Variants in LCORL observed in about 807,000 individuals in gnomAD.
LCORL encodes ligand dependent nuclear receptor corepressor like.
LCORL carries 41 observed loss-of-function variants against 141.8 expected under a neutral mutation model. The observed-to-expected ratio is 0.29, with a 90% CI of 0.23 to 0.38. The LOEUF (loss-of-function observed/expected upper bound fraction) is 0.38. Among genes scored for constraint, LCORL ranks in the 10% least tolerant of loss-of-function variants. The probability of loss-of-function intolerance (pLI) is 1.00; values close to 1 mark genes in which losing one functional copy is unlikely to be tolerated. For synonymous variants in LCORL, 618 were observed against 694.1 expected (o/e 0.89, Z 1.72); for missense variants, 1,759 against 2,035.0 (o/e 0.86, Z 2.61).
intron 7 of LCORL, among the ~76,000 whole-genome samples, chr4:17,860,215 G>C (rs1375478076): frequency 1.3e-5 from 2 of 152,086 alleles, no homozygotes; most frequent in Non-Finnish European, 2.9e-5. Context: ...ACTATACTAC[G>C]AGGCTACTGT....
At chr4:17,880,291 T>C (rs745308214) in intron 6 of LCORL, 4 of 308,838 alleles carry the variant, frequency 1.3e-5, no homozygotes, top group Non-Finnish European at 1.9e-5. Context: ...TGTTAGGATC[T>C]TAAAGAAAAA....
At chr4:17,940,975 G>T (rs1737851185) in intron 4 of LCORL, among the ~76,000 whole-genome samples, 1 of 152,212 alleles carries the variant, frequency 6.6e-6, no homozygotes, top group Non-Finnish European at 1.5e-5. Context: ...TTGTAACTGT[G>T]AGGTAGAAAA....
intron 1 of LCORL, among the ~76,000 whole-genome samples, chr4:18,012,559 T>A (rs1187001531): frequency 6.6e-6 from 1 of 152,170 alleles, no homozygotes; most frequent in African/African-American, 2.4e-5. Flanking sequence ...GGACTCAAGA[T>A]AAATGATGAC....
chr4:17,894,595 CTT>C (rs1361534601), intron 5 of LCORL, among the ~76,000 whole-genome samples: 2 of 152,154 alleles, frequency 1.3e-5, no homozygotes, highest in African/African-American at 2.4e-5. Flanking sequence ...TTGTAGATCT[CTT>C]TAATGTCCAG....
intron 6 of LCORL, chr4:17,881,751 T>A: frequency 2.1e-6 from 2 of 961,748 alleles, no homozygotes; most frequent in Non-Finnish European, 2.5e-6. Context: ...TATTATGTAA[T>A]GCATTCAAAG....
intron 1 of LCORL, among the ~76,000 whole-genome samples, chr4:18,007,764 C>T (rs900792822): frequency 2.0e-5 from 3 of 152,110 alleles, no homozygotes; most frequent in African/African-American, 7.2e-5. Context: ...AGTAGGTCAG[C>T]AGAAACTCAC....
intron 4 of LCORL, among the ~76,000 whole-genome samples, chr4:17,922,400 T>G (rs1734441115): frequency 6.6e-6 from 1 of 152,308 alleles, no homozygotes; most frequent in Non-Finnish European, 1.5e-5. Flanking sequence ...ATTCACTGCT[T>G]GTGAGAGGCA....
chr4:17,998,188 A>G (rs531816012), intron 1 of LCORL, among the ~76,000 whole-genome samples: 1 of 152,338 alleles, frequency 6.6e-6, no homozygotes, highest in South Asian at 2.1e-4. Flanking sequence ...CTTACCATGA[A>G]TGGAGCTTGA....
chr4:17,845,017 T>C (rs550922987), exon 8 of LCORL: 3 of 152,202 alleles, frequency 2.0e-5, no homozygotes, highest in African/African-American at 7.2e-5. Context: ...AAAACAGATG[T>C]AAATCCATTT....
rs371968007 is a variant in LCORL at position 17,848,701 on chromosome 4, C to T, written c.5603-2800G>A. ...GCGCAGGACAGCGGGTGCAGTGCAC[C>T]GTGTGCGAGCCGAAGCAGGGCGAGG... On this transcript the variant is annotated intron_variant, in intron 7 of 7. Coordinates refer to ENST00000635767, the Ensembl canonical transcript of LCORL. Among the ~76,000 whole-genome samples the T allele has an allele frequency of 2.9e-4, 44 of 152,304 alleles. No homozygotes were observed. The East Asian group carries it at 3.5e-3, about 12-fold the overall frequency.
At position 17,878,804 on chromosome 4, in the gene LCORL, A is replaced by G. The variant is rs1727194895; in HGVS notation, c.777-591T>C. 2.6e-5 allele frequency among the ~76,000 whole-genome samples: 4 copies of G among 151,346 alleles called. No homozygotes were observed. In the South Asian group the frequency reaches 8.3e-4, roughly 31 times the overall value. Reference sequence around the variant, plus strand: ...AAAATCTATTTTTAATTGATGTTAAATACTAAAGTAATTTCATAAAAGCTA... The same window carrying G: ...AAAATCTATTTTTAATTGATGTTAAGTACTAAAGTAATTTCATAAAAGCTA... On this transcript the variant is annotated intron_variant, in intron 6 of 7. Transcript: ENST00000635767.
chr4:17,967,215 G>A (rs982392433), intron 2 of LCORL, among the ~76,000 whole-genome samples: 1 of 152,078 alleles, frequency 6.6e-6, no homozygotes, highest in African/African-American at 2.4e-5. Flanking sequence ...CAAAACTTTA[G>A]AGACCATAAA....
intron 4 of LCORL, among the ~76,000 whole-genome samples, chr4:17,927,258 T>A (rs1226678991): frequency 6.6e-6 from 1 of 152,202 alleles, no homozygotes; most frequent in Non-Finnish European, 1.5e-5. Flanking sequence ...CTCCAACGAA[T>A]TAAAGAGACT....
At chr4:18,018,798 CA>C (rs756830867) in intron 1 of LCORL, among the ~76,000 whole-genome samples, 26 of 151,884 alleles carry the variant, frequency 1.7e-4, no homozygotes, top group Non-Finnish European at 3.2e-4. Context: ...TTTCCTTTAC[CA>C]AAAGACAAGA....
chr4:17,998,756 C>T (rs979211034), intron 1 of LCORL, among the ~76,000 whole-genome samples: 4 of 151,262 alleles, frequency 2.6e-5, no homozygotes, highest in Non-Finnish European at 4.4e-5. Context: ...CTTGAGCTCA[C>T]GAGTTCAAGA....
exon 8 of LCORL, chr4:17,842,749 G>A (rs1722539334): frequency 5.6e-6 from 1 of 179,318 alleles, no homozygotes; most frequent in African/African-American, 2.4e-5. Context: ...GGTATATTGT[G>A]TGGTAGAGTG....
intron 4 of LCORL, among the ~76,000 whole-genome samples, chr4:17,943,546 G>C (rs915609593): frequency 2.0e-5 from 3 of 152,154 alleles, no homozygotes; most frequent in African/African-American, 7.2e-5. Context: ...TGGTTCAAAG[G>C]CTGGCAAGAA....
intron 1 of LCORL, among the ~76,000 whole-genome samples, chr4:17,993,752 C>G (rs1040995839): frequency 1.3e-5 from 2 of 150,974 alleles, no homozygotes; most frequent in Admixed American, 1.3e-4. Flanking sequence ...CAGCAAGTGG[C>G]GAATAGAATG....
At chr4:17,881,070 A>G (rs1222843968) in intron 6 of LCORL, 3 of 981,300 alleles carry the variant, frequency 3.1e-6, no homozygotes, top group Non-Finnish European at 3.6e-6. Context: ...ATTTAATATA[A>G]AATTGTCATT....
Sources: gnomAD v4.1 joint callset for allele counts (sites outside exome capture counted in the v4.1 genomes callset) on GRCh38, gnomAD v4.1.1 for gene constraint, MANE v1.5 for transcripts, NCBI Gene and HGNC (gene_info 2026-07-23, HGNC 2026-07-21) for gene names.